MAP3K15: variants seen among roughly 807,000 people sequenced by gnomAD.
MAP3K15 encodes the protein MAPK/ERK kinase kinase 15.
A neutral mutation model predicts 99.5 loss-of-function variants in MAP3K15; 124 were observed. The ratio of observed to expected loss-of-function variants is 1.25; its 90% CI spans 1.08 to 1.45. MAP3K15 has a LOEUF of 1.45. Among genes scored for constraint, MAP3K15 ranks in the 40% most tolerant of loss-of-function variants. The pLI is 0.00. For missense variants in MAP3K15, 1,242 were observed against 1,079.7 expected (o/e 1.15, Z -2.11); for synonymous variants, 494 against 439.6 (o/e 1.12, Z -1.55).
chrX:19,476,524 C>T (rs2147381664), intron 3 of MAP3K15, among the ~76,000 whole-genome samples: 1 of 111,947 alleles, frequency 8.9e-6, no homozygotes, highest in South Asian at 3.7e-4. Context: ...AAGCTTTAGG[C>T]TCAACAGATA....
intron 25 of MAP3K15, among the ~76,000 whole-genome samples, chrX:19,366,505 T>C (rs368664623): frequency 8.9e-6 from 1 of 111,789 alleles, no homozygotes; most frequent in South Asian, 3.7e-4. Flanking sequence ...CAGTGGGAGA[T>C]AATTGAATCA....
intron 17 of MAP3K15, 44 bp downstream of exon 17, chrX:19,392,299 T>C (rs771398948): frequency 1.7e-6 from 2 of 1,180,144 alleles, no homozygotes; most frequent in East Asian, 3.0e-5. Context: ...TCTCATGATC[T>C]GATACGAGCA....
At chrX:19,426,167 A>C (rs2063828061) in intron 8 of MAP3K15, 64 bp downstream of exon 8, 1 of 584,074 alleles carries the variant, frequency 1.7e-6, no homozygotes, top group Non-Finnish European at 2.6e-6. Context: ...TTATTTCAAC[A>C]TAACTTTTAA....
At chrX:19,363,505 G>C (rs1246192182) in intron 25 of MAP3K15, among the ~76,000 whole-genome samples, 1 of 112,294 alleles carries the variant, frequency 8.9e-6, no homozygotes, top group African/African-American at 3.2e-5. Flanking sequence ...ATGTTAATCA[G>C]AACTCAGCCA....
chrX:19,445,519 G>T (rs1602314720), intron 6 of MAP3K15, among the ~76,000 whole-genome samples: 2 of 105,034 alleles, frequency 1.9e-5, no homozygotes, highest in African/African-American at 7.0e-5. Context: ...GAACCGAGGA[G>T]GCAGAGGTTG....
chrX:19,457,212 A>G (rs192270217), intron 5 of MAP3K15, among the ~76,000 whole-genome samples, 193 bp from the exon 6 acceptor site: 118 of 111,110 alleles, frequency 1.1e-3, no homozygotes, highest in African/African-American at 3.7e-3. Context: ...TGAGAGAGAG[A>G]AGAACAGAGA....
At chrX:19,368,077 C>T (rs1263975068) in intron 25 of MAP3K15, among the ~76,000 whole-genome samples, 2 of 110,413 alleles carry the variant, frequency 1.8e-5, no homozygotes, top group Admixed American at 9.7e-5. Flanking sequence ...AACCAAATCA[C>T]GCAGCTGATA....
In MAP3K15 at chrX:19,371,524, C is replaced by T. The variant is rs146703002; in HGVS notation, c.3115G>A (p.Glu1039Lys). The T allele has an allele frequency of 2.4e-5, 29 of 1,193,685 alleles. No homozygotes were observed. The highest frequency in any genetic ancestry group is 2.1e-4 in the African/African-American group (12 of 56,939). Reference sequence around the variant, plus strand: ...TGTCCAACTGAGAGATGCAACTCTTCGGAACTCTGAAAACACACACAAATC... The same window carrying T: ...TGTCCAACTGAGAGATGCAACTCTTTGGAACTCTGAAAACACACACAAATC... ...NLQECVAQSS[E>K]ELHLSVGHIK... is the part of the protein sequence containing the mutation. Residue 1039 changes from glutamate to lysine, a missense_variant, in exon 23 of 29, where the codon GAA becomes AAA. Physicochemically the swap from Glu to Lys is moderately conservative, Grantham distance 56. Transcript: ENST00000338883.
intron 3 of MAP3K15, among the ~76,000 whole-genome samples, chrX:19,473,524 A>G (rs2064221094): frequency 8.9e-6 from 1 of 112,483 alleles, no homozygotes; most frequent in Admixed American, 9.5e-5. Context: ...AATTTAACAA[A>G]CGCAGTTTAG....
chrX:19,434,789 C>T (rs189853182), intron 6 of MAP3K15, among the ~76,000 whole-genome samples: 5 of 111,800 alleles, frequency 4.5e-5, no homozygotes, highest in African/African-American at 6.5e-5. Context: ...TAGATGCCAG[C>T]GGGCATTAGG....
intron 3 of MAP3K15, among the ~76,000 whole-genome samples, chrX:19,473,486 C>T (rs1463977071): frequency 8.9e-6 from 1 of 112,433 alleles, no homozygotes. Flanking sequence ...TAAGTGGAAA[C>T]ATCTCAAGAA....
At chrX:19,398,437 T>C (rs2147256893) in intron 14 of MAP3K15, 78 bp from the exon 15 acceptor site, 1 of 1,039,475 alleles carries the variant, frequency 9.6e-7, no homozygotes, top group Non-Finnish European at 1.3e-6. Flanking sequence ...CAGAGTTGTC[T>C]AGCAACTAAA....
chrX:19,509,286 G>A (rs1227114186), intron 1 of MAP3K15, among the ~76,000 whole-genome samples: 1 of 111,828 alleles, frequency 8.9e-6, no homozygotes, highest in Non-Finnish European at 1.9e-5. Context: ...CAAGTCAACA[G>A]AATACACATT....
At chrX:19,473,144 C>G (rs1272759218) in intron 3 of MAP3K15, among the ~76,000 whole-genome samples, 1 of 111,950 alleles carries the variant, frequency 8.9e-6, no homozygotes, top group Non-Finnish European at 1.9e-5. Context: ...ATGAACAGGA[C>G]TGAGGAGACA....
intron 2 of MAP3K15, among the ~76,000 whole-genome samples, chrX:19,488,315 C>T (rs989343379): frequency 1.8e-5 from 2 of 112,084 alleles, no homozygotes; most frequent in Non-Finnish European, 3.8e-5. Context: ...GGAACACACA[C>T]GTTTTCAGTT....
rs1195246135 is a variant in MAP3K15 at position 19,457,037 on chromosome X, C to T, written c.889-18G>A. On this transcript the variant is annotated intron_variant, in intron 5 of 28. Transcript: ENST00000338883. ...TCATAGTCCTGTTGGCAAGAGGTCC[C>T]AAAGTGAGCAAGAGAGGAAACACAG... 1 of 1,090,979 alleles carries T rather than the reference C, an allele frequency of 9.2e-7. No individual in the cohort carries two copies. The highest frequency in any genetic ancestry group is 3.0e-5 in the East Asian group (1 of 33,207). The allele number at this position is 1,090,979 out of a possible 1,213,427, so 89.9% of individuals were successfully genotyped here. A position where few individuals can be genotyped will look rare whatever the true frequency, so the allele number is the denominator to read the frequency against.
intron 2 of MAP3K15, among the ~76,000 whole-genome samples, chrX:19,487,648 G>T (rs756823826): frequency 3.6e-5 from 4 of 111,875 alleles, no homozygotes; most frequent in Non-Finnish European, 5.6e-5. Context: ...TAATTACTGA[G>T]TACATATCTA....
intron 1 of MAP3K15, among the ~76,000 whole-genome samples, chrX:19,502,777 G>A (rs911552133): frequency 8.9e-6 from 1 of 112,268 alleles, no homozygotes; most frequent in South Asian, 3.7e-4. Context: ...AGCCAAGGTT[G>A]TGCCACTGCA....
chrX:19,486,849 C>T (rs1000550755), intron 2 of MAP3K15, among the ~76,000 whole-genome samples: 5 of 111,184 alleles, frequency 4.5e-5, no homozygotes, highest in Non-Finnish European at 1.9e-5. Context: ...GAGTGCCCTG[C>T]ATCTTGCCTT....
Sources: gnomAD v4.1 joint callset for allele counts (sites outside exome capture counted in the v4.1 genomes callset) on GRCh38, gnomAD v4.1.1 for gene constraint, MANE v1.5 for transcripts, NCBI Gene and HGNC (gene_info 2026-07-23, HGNC 2026-07-21) for gene names.